Variants in HERC3 observed in about 807,000 individuals in gnomAD.
HERC3 encodes the protein HECT and RLD domain containing E3 ubiquitin protein ligase 3, also known as probable E3 ubiquitin-protein ligase HERC3.
A neutral mutation model predicts 129.9 loss-of-function variants in HERC3; 58 were observed. That is an observed-to-expected ratio of 0.45 (90% CI 0.36 to 0.56). The LOEUF is 0.56. HERC3 is among the 20% of genes least tolerant of loss of function. The pLI is 0.00. For synonymous variants in HERC3, 430 were observed against 451.0 expected (o/e 0.95, Z 0.59); for missense variants, 835 against 1,244.2 (o/e 0.67, Z 4.95).
At chr4:88,593,002 C>T (rs1052775976) in intron 1 of HERC3, among the ~76,000 whole-genome samples, 1 of 152,156 alleles carries the variant, frequency 6.6e-6, no homozygotes, top group Non-Finnish European at 1.5e-5. Flanking sequence ...TCTGGGGTTC[C>T]AGGGACCTCC....
chr4:88,681,510 C>A (rs530680649), intron 21 of HERC3, among the ~76,000 whole-genome samples, 185 bp downstream of exon 21: 14 of 152,286 alleles, frequency 9.2e-5, no homozygotes, highest in African/African-American at 3.4e-4. Context: ...CCTGTGTTAT[C>A]GGTACAGTAT....
chr4:88,681,688 G>A (rs180832528), intron 21 of HERC3, among the ~76,000 whole-genome samples: 2 of 152,182 alleles, frequency 1.3e-5, no homozygotes, highest in East Asian at 1.9e-4. Flanking sequence ...TAATTAAACT[G>A]TTTTTGTTGT....
At chr4:88,651,045 C>G (rs1729219485) in intron 4 of HERC3, among the ~76,000 whole-genome samples, 1 of 152,000 alleles carries the variant, frequency 6.6e-6, no homozygotes, top group South Asian at 2.1e-4. Flanking sequence ...TTCATTTCTT[C>G]CAAAAATTAA....
At chr4:88,626,530 A>G (rs559063644) in intron 3 of HERC3, among the ~76,000 whole-genome samples, 1 of 152,138 alleles carries the variant, frequency 6.6e-6, no homozygotes, top group African/African-American at 2.4e-5. Context: ...TTCAAGGTAT[A>G]TAAGGTGACA....
At chr4:88,628,579 G>A (rs1232726570) in intron 3 of HERC3, among the ~76,000 whole-genome samples, 2 of 152,004 alleles carry the variant, frequency 1.3e-5, no homozygotes, top group African/African-American at 4.8e-5. Flanking sequence ...AAAATAGATG[G>A]ATCCCAATGC....
At chr4:88,643,075 T>C (rs930640232) in intron 3 of HERC3, among the ~76,000 whole-genome samples, 4 of 152,192 alleles carry the variant, frequency 2.6e-5, no homozygotes, top group Non-Finnish European at 5.9e-5. Flanking sequence ...TACACAAAAA[T>C]GTACTATATC....
intron 3 of HERC3, among the ~76,000 whole-genome samples, chr4:88,639,437 A>G (rs1162502002): frequency 6.6e-6 from 1 of 151,056 alleles, no homozygotes; most frequent in Non-Finnish European, 1.5e-5. Context: ...AATAACACAC[A>G]TCTGCAACCA....
intron 1 of HERC3, among the ~76,000 whole-genome samples, chr4:88,594,728 G>C (rs1722153070): frequency 6.6e-6 from 1 of 152,124 alleles, no homozygotes. Context: ...TTTCTTTTGA[G>C]ATACTTTAGG....
At chr4:88,533,484 C>T in the HERC3 span, among the ~76,000 whole-genome samples, 5 of 152,186 alleles carry the variant, frequency 3.3e-5, no homozygotes, top group Non-Finnish European at 5.9e-5. Flanking sequence ...GGAGGCAAAA[C>T]GATGTCACCT....
At chr4:88,585,270 G>T in the HERC3 span, among the ~76,000 whole-genome samples, 573 of 152,232 alleles carry the variant, frequency 3.8e-3, 6 homozygotes, top group African/African-American at 0.013. Context: ...AATTTAGTGG[G>T]GACACAAATA....
the HERC3 span, among the ~76,000 whole-genome samples, chr4:88,573,416 C>A: frequency 6.6e-6 from 1 of 152,274 alleles, no homozygotes; most frequent in African/African-American, 2.4e-5. Context: ...CACAACATAA[C>A]CATTTATTTA....
At chr4:88,622,951 G>C (rs985206823) in intron 3 of HERC3, among the ~76,000 whole-genome samples, 1 of 152,000 alleles carries the variant, frequency 6.6e-6, no homozygotes, top group African/African-American at 2.4e-5. Flanking sequence ...CAAAAATGCA[G>C]ATCTGTTGAT....
chr4:88,527,730 T>TA, the HERC3 span: 1 of 309,332 alleles, frequency 3.2e-6, no homozygotes, highest in South Asian at 3.2e-5. Flanking sequence ...GCATAGGTTC[T>TA]GTCAAGAAAA....
chr4:88,704,019 C>G (rs1485282876), intron 23 of HERC3, 79 bp from the exon 24 acceptor site: 49 of 1,274,608 alleles, frequency 3.8e-5, no homozygotes, highest in Non-Finnish European at 4.8e-5. Context: ...TTTATCACTC[C>G]CAATCTCAGT....
the HERC3 span, among the ~76,000 whole-genome samples, chr4:88,567,933 G>A: frequency 3.3e-5 from 5 of 152,164 alleles, no homozygotes; most frequent in Admixed American, 1.3e-4. Flanking sequence ...TCTTGGGAAG[G>A]CTTGCCAAGT....
chr4:88,628,889 A>T (rs1300619456), intron 3 of HERC3, among the ~76,000 whole-genome samples: 1 of 152,196 alleles, frequency 6.6e-6, no homozygotes, highest in Non-Finnish European at 1.5e-5. Context: ...AACCTTAAAA[A>T]TAGGGCTGGG....
chr4:88,662,014 A>T (rs1730540588), intron 10 of HERC3, among the ~76,000 whole-genome samples: 1 of 152,116 alleles, frequency 6.6e-6, no homozygotes, highest in Non-Finnish European at 1.5e-5. Flanking sequence ...TTTTTGGGAG[A>T]GTGCTTTCTA....
intron 25 of HERC3, among the ~76,000 whole-genome samples, chr4:88,705,413 T>C (rs1380469657): frequency 6.6e-6 from 1 of 152,308 alleles, no homozygotes; most frequent in East Asian, 1.9e-4. Flanking sequence ...TAACACACAG[T>C]CAATTGTAGA....
intron 23 of HERC3, among the ~76,000 whole-genome samples, chr4:88,701,695 A>G (rs531787508): frequency 1.3e-4 from 19 of 151,850 alleles, no homozygotes; most frequent in Admixed American, 3.3e-4. Context: ...CCTTAATTCC[A>G]TTCCCCTCTT....
Sources: gnomAD v4.1 joint callset for allele counts (sites outside exome capture counted in the v4.1 genomes callset) on GRCh38, gnomAD v4.1.1 for gene constraint, MANE v1.5 for transcripts, NCBI Gene and HGNC (gene_info 2026-07-23, HGNC 2026-07-21) for gene names.